ITGA8: variants seen among roughly 807,000 people sequenced by gnomAD.
ITGA8 encodes the protein integrin subunit alpha 8, also known as integrin alpha-8.
A neutral mutation model predicts 142.3 loss-of-function variants in ITGA8; 91 were observed. The observed-to-expected ratio is 0.64, with a 90% CI of 0.54 to 0.76. ITGA8 has a LOEUF of 0.76. Among genes scored for constraint, ITGA8 ranks in the 30% least tolerant of loss-of-function variants. The pLI is 0.00. For synonymous variants in ITGA8, 505 were observed against 485.2 expected (o/e 1.04, Z -0.54); for missense variants, 1,406 against 1,327.7 (o/e 1.06, Z -0.92).
intron 2 of ITGA8, among the ~76,000 whole-genome samples, chr10:15,688,762 A>C (rs959519706): frequency 1.1e-4 from 16 of 152,224 alleles, no homozygotes; most frequent in Non-Finnish European, 2.1e-4. Context: ...TGATCATCTT[A>C]ATAGATGCAG....
chr10:15,669,640 G>A (rs1834470314), intron 8 of ITGA8, among the ~76,000 whole-genome samples: 1 of 152,076 alleles, frequency 6.6e-6, no homozygotes, highest in Non-Finnish European at 1.5e-5. Flanking sequence ...CCATCTTTGT[G>A]GTTTTATCTA....
intron 25 of ITGA8, among the ~76,000 whole-genome samples, chr10:15,569,267 A>C (rs1270506940): frequency 1.3e-5 from 2 of 152,306 alleles, no homozygotes; most frequent in East Asian, 3.9e-4. Flanking sequence ...CGCCTCTCTT[A>C]CAGGCCCACG....
intron 21 of ITGA8, among the ~76,000 whole-genome samples, chr10:15,594,144 G>A (rs1832974987): frequency 6.6e-6 from 1 of 151,910 alleles, no homozygotes; most frequent in Non-Finnish European, 1.5e-5. Context: ...CCGGCCGGAT[G>A]AATTTTTTTA....
chr10:15,658,987 A>C lies in ITGA8; in HGVS notation c.948+12T>G, dbSNP rs746455782. ...GAGTGATTTTATTTATTTGATATTA[A>C]AATGTCTCTACCTGTTCTCCCGTGA... On this transcript the variant is annotated intron_variant, in intron 10 of 29. Transcript: ENST00000378076. 5 of 1,539,408 alleles carry C rather than the reference A, an allele frequency of 3.2e-6. No homozygotes were observed. In the South Asian group the frequency reaches 5.7e-5, roughly 18 times the overall value.
At chr10:15,662,527 C>A in intron 8 of ITGA8, among the ~76,000 whole-genome samples, 1 of 151,834 alleles carries the variant, frequency 6.6e-6, no homozygotes, top group East Asian at 1.9e-4. Flanking sequence ...TTTGTAGAGA[C>A]AGGGTCTCAC....
At chr10:15,651,084 T>G (rs533897350) in intron 11 of ITGA8, among the ~76,000 whole-genome samples, 2 of 152,312 alleles carry the variant, frequency 1.3e-5, no homozygotes, top group East Asian at 3.9e-4. Flanking sequence ...TGGCTCCTTT[T>G]GGTCCTGCAG....
chr10:15,670,153 T>G (rs1347853137), intron 8 of ITGA8, among the ~76,000 whole-genome samples: 1 of 152,222 alleles, frequency 6.6e-6, no homozygotes, highest in Non-Finnish European at 1.5e-5. Context: ...CTCTTAATTA[T>G]TTGTGAATTA....
At chr10:15,710,509 T>G (rs1835343907) in intron 2 of ITGA8, among the ~76,000 whole-genome samples, 1 of 152,208 alleles carries the variant, frequency 6.6e-6, no homozygotes, top group Non-Finnish European at 1.5e-5. Flanking sequence ...GAGAGAAGCC[T>G]GAAGTATCAG....
At position 15,694,678 on chromosome 10, in the gene ITGA8, C is replaced by CATATATATATATATATATATATAT. The variant is rs71374639; in HGVS notation, c.344-6664_344-6641dup. 3.6e-3 allele frequency among the ~76,000 whole-genome samples: 282 copies of CATATATATATATATATATATATAT among 77,434 alleles called. 6 individuals are homozygous for CATATATATATATATATATATATAT. The highest frequency in any genetic ancestry group is 4.5e-3 in the Admixed American group (24 of 5,360). 50.8% of individuals were successfully genotyped at this position (77,434 alleles called of 152,430 possible). Reference sequence around the variant, plus strand: ...TATATATTATATCTATATTTGTCGACATATATATATATATATATATATATG... The same window carrying CATATATATATATATATATATATAT: ...TATATATTATATCTATATTTGTCGACATATATATATATATATATATATATATATATATATATATATATATATATG... On this transcript the variant is annotated intron_variant, in intron 2 of 29. Coordinates refer to ENST00000378076, the MANE Select transcript of ITGA8 (RefSeq NM_003638.3).
intron 11 of ITGA8, among the ~76,000 whole-genome samples, chr10:15,649,612 T>A: frequency 8.3e-6 from 1 of 119,774 alleles, no homozygotes; most frequent in South Asian, 2.6e-4. Context: ...TGAGACTCCG[T>A]CTCAAAAAAA....
At chr10:15,578,902 T>G (rs543911680) in intron 23 of ITGA8, among the ~76,000 whole-genome samples, 32 of 152,252 alleles carry the variant, frequency 2.1e-4, no homozygotes, top group Admixed American at 6.5e-4. Flanking sequence ...CAAATCTGCT[T>G]AAAGATGATG....
intron 13 of ITGA8, among the ~76,000 whole-genome samples, chr10:15,632,076 G>A (rs1683659841): frequency 6.6e-6 from 1 of 151,940 alleles, no homozygotes; most frequent in African/African-American, 2.4e-5. Flanking sequence ...ACAGAATCTG[G>A]ATTCTGAAGG....
rs768735084 is a variant in ITGA8 at position 15,531,025 on chromosome 10, C to T, written c.2982+25G>A. On this transcript the variant is annotated intron_variant, in intron 28 of 29. Transcript: ENST00000378076. ...AATTATTTCAATTAAATTATTTGTGCCTATATATATTTAAAGATACTCACT... is the reference window on the plus strand; with the variant it reads ...AATTATTTCAATTAAATTATTTGTGTCTATATATATTTAAAGATACTCACT... 13 of 1,074,652 alleles carry T rather than the reference C, an allele frequency of 1.2e-5. No individual in the cohort carries two copies. In the Middle Eastern group the frequency reaches 6.0e-4, roughly 50 times the overall value. 66.6% of individuals were successfully genotyped at this position (1,074,652 alleles called of 1,614,324 possible).
intron 11 of ITGA8, among the ~76,000 whole-genome samples, chr10:15,651,751 C>A (rs1488748771): frequency 1.3e-5 from 2 of 152,052 alleles, no homozygotes; most frequent in Admixed American, 6.6e-5. Flanking sequence ...GAGCAATGAC[C>A]TAGCCAAGTG....
Position 15,597,226 on chromosome 10 carries a change from G to C in ITGA8, c.2192C>G (p.Pro731Arg). ...TRMVVCDLGN[P>R]MVSGTNYSLG... ...TCTTACATTTGTTCCAGACACCATA[G>C]GGTTCCCAAGGTCACACACCACCAT... The change falls in exon 21 of 30, where the codon CCT becomes CGT. Residue 731 changes from proline to arginine, a missense_variant. Physicochemically the swap from Pro to Arg is moderately radical, Grantham distance 103. Coordinates refer to ENST00000378076, the MANE Select transcript of ITGA8 (RefSeq NM_003638.3). 6.2e-7 allele frequency: 1 copy of C among 1,613,664 alleles called. No homozygotes were observed. Among genetic ancestry groups the C allele is most frequent in the Non-Finnish European group, 8.5e-7 (1 of 1,179,644 alleles).
At chr10:15,643,368 C>T (rs1833904520) in intron 13 of ITGA8, among the ~76,000 whole-genome samples, 1 of 152,216 alleles carries the variant, frequency 6.6e-6, no homozygotes, top group South Asian at 2.1e-4. Flanking sequence ...CAGCCTCCGC[C>T]TCCCGGGTTC....
intron 2 of ITGA8, among the ~76,000 whole-genome samples, chr10:15,697,462 A>T (rs1329778031): frequency 6.6e-6 from 1 of 152,212 alleles, no homozygotes; most frequent in Non-Finnish European, 1.5e-5. Context: ...ATCAGGAATT[A>T]AATGTATGTG....
At chr10:15,639,911 A>G (rs1010268458) in intron 13 of ITGA8, among the ~76,000 whole-genome samples, 1 of 152,154 alleles carries the variant, frequency 6.6e-6, no homozygotes, top group Non-Finnish European at 1.5e-5. Flanking sequence ...GAGGAAGTCA[A>G]TTTGTTGAAT....
chr10:15,715,530 C>T (rs891188271), intron 2 of ITGA8, among the ~76,000 whole-genome samples: 8 of 152,198 alleles, frequency 5.3e-5, no homozygotes, highest in Non-Finnish European at 8.8e-5. Context: ...TACCACTGTA[C>T]GGTCTTGGGT....
Sources: gnomAD v4.1 joint callset for allele counts (sites outside exome capture counted in the v4.1 genomes callset) on GRCh38, gnomAD v4.1.1 for gene constraint, MANE v1.5 for transcripts, NCBI Gene and HGNC (gene_info 2026-07-23, HGNC 2026-07-21) for gene names.